Variants in AXIN2 observed in about 807,000 individuals in gnomAD.
The protein encoded by AXIN2 is axin 2.
In AXIN2, 21 loss-of-function variants were observed where a neutral mutation model predicts 74.7. That is an observed-to-expected ratio of 0.28 (90% confidence interval 0.20 to 0.40). AXIN2 has a LOEUF of 0.40. AXIN2 is among the 10% of genes least tolerant of loss of function. AXIN2 has a pLI of 1.00. For synonymous variants in AXIN2, 532 were observed against 454.9 expected, an observed-to-expected ratio of 1.17 and a Z score of -2.16; for missense variants, 1,144 against 1,111.1, an observed-to-expected ratio of 1.03 and a Z score of -0.42.
rs1336548139 is a variant in AXIN2 at position 65,529,682 on chromosome 17, ATATAT to A, written c.*289_*293del. The A allele has an allele frequency of 2.1e-6, 1 of 473,056 alleles. No homozygotes were observed. 29.3% of individuals were successfully genotyped at this position (473,056 alleles called of 1,614,324 possible). ...ATGGATTTCAGATCCCTAGGAAGTC[ATATAT>A]TATGTATGGCAGTCTCTCAAATACA... On this transcript the variant is annotated 3_prime_UTR_variant, in exon 11 of 11. Transcript: ENST00000307078.
chr17:65,555,644 G>T (rs192057880), intron 2 of AXIN2, among the ~76,000 whole-genome samples: 8 of 152,178 alleles, frequency 5.3e-5, no homozygotes, highest in Non-Finnish European at 1.2e-4. Context: ...CTATGACACA[G>T]ACAGAAGGAA....
rs747796659 is a variant in AXIN2, at chr17:65,558,021, C to A, written c.600G>T (p.Val200=). The A allele has an allele frequency of 1.2e-6, 2 of 1,614,190 alleles. No individual in the cohort carries two copies. Among genetic ancestry groups the A allele is most frequent in the Non-Finnish European group, 8.5e-7 (1 of 1,180,040 alleles). Residue 200 remains valine, a synonymous_variant, in exon 2 of 11, where the codon GTG becomes GTT. Transcript: ENST00000307078. ...FLTSDIYLEY[V]RSGGENTAYM... ...AAGCTGTGTTTTCTCCCCCACTCCT[C>A]ACATATTCGAGGTATATATCAGAAG...
intron 2 of AXIN2, among the ~76,000 whole-genome samples, chr17:65,552,266 G>T (rs923334374): frequency 1.3e-5 from 2 of 152,198 alleles, no homozygotes; most frequent in Non-Finnish European, 1.5e-5. Flanking sequence ...AGAACAAGGG[G>T]AAATAGACTT....
chr17:65,534,213 G>C (rs1014224980), intron 9 of AXIN2, 134 bp from the exon 10 acceptor site: 2 of 1,136,938 alleles, frequency 1.8e-6, no homozygotes, highest in South Asian at 1.3e-5. Context: ...AACCCAAAGT[G>C]GGGGCTGGGG....
intron 1 of AXIN2, 167 bp downstream of exon 1, chr17:65,561,283 C>T (rs867030508): frequency 8.2e-5 from 12 of 146,058 alleles, no homozygotes; most frequent in African/African-American, 3.0e-4. Context: ...GCCCCGCCAC[C>T]GCTCCGCAGG....
rs2044272088 is a variant in AXIN2, at chr17:65,556,719, C to A, written c.815+1087G>T. 2.6e-5 allele frequency among the ~76,000 whole-genome samples: 4 copies of A among 152,142 alleles called. No individual in the cohort carries two copies. The South Asian group carries it at 8.3e-4, about 32-fold the overall frequency. ...CATCTGGTGCCCACCTCTCTTCCTG[C>A]TGCTGGGCACTAGAGACCACATCCT... On this transcript the variant is annotated intron_variant, in intron 2 of 10. Transcript: ENST00000307078.
intron 9 of AXIN2, among the ~76,000 whole-genome samples, chr17:65,534,717 T>C (rs1280004975): frequency 6.6e-6 from 1 of 151,530 alleles, no homozygotes; most frequent in African/African-American, 2.4e-5. Flanking sequence ...TCACTTGAGG[T>C]CAGGAGTTTG....
chr17:65,531,893 C>CA (rs1183358907), intron 10 of AXIN2, among the ~76,000 whole-genome samples: 1 of 152,176 alleles, frequency 6.6e-6, no homozygotes, highest in Non-Finnish European at 1.5e-5. Context: ...CCCCACCTCC[C>CA]ACCCCTGCTC....
chr17:65,555,163 A>T (rs2044249282), intron 2 of AXIN2, among the ~76,000 whole-genome samples: 1 of 152,212 alleles, frequency 6.6e-6, no homozygotes, highest in African/African-American at 2.4e-5. Context: ...AGGTAAACAC[A>T]GGGCTTGCAA....
chr17:65,531,424 C>T (rs1030491743), intron 10 of AXIN2, among the ~76,000 whole-genome samples: 9 of 151,700 alleles, frequency 5.9e-5, no homozygotes, highest in African/African-American at 1.5e-4. Context: ...TCAAAATTCT[C>T]GGGGGAGCGT....
Position 65,537,428 on chromosome 17 carries a change from C to T in AXIN2, c.1608G>A (p.Thr536=), listed in dbSNP as rs1403070766. 1 of 1,614,042 alleles carries T rather than the reference C, an allele frequency of 6.2e-7. No homozygotes were observed. Among genetic ancestry groups the T allele is most frequent in the Non-Finnish European group, 8.5e-7 (1 of 1,180,026 alleles). Residue 536 remains threonine, a synonymous_variant, in exon 6 of 11, where the codon ACG becomes ACA. Transcript: ENST00000307078. The part of the protein sequence containing the change: ...KTKEEIEAEA[T]QRVHCFCPGG... ...CAGGGCAGAAGCAGTGCACCCGCTG[C>T]GTGGCCTCCGCCTCGATCTCCTCCT... is the stretch of plus-strand genomic sequence containing the variant.
At chr17:65,532,596 T>C (rs184298743) in intron 10 of AXIN2, among the ~76,000 whole-genome samples, 18 of 152,314 alleles carry the variant, frequency 1.2e-4, no homozygotes, top group Admixed American at 8.5e-4. Flanking sequence ...AGAATCACTT[T>C]GAGCCCCCGC....
chr17:65,549,379 C>T, intron 3 of AXIN2, 141 bp downstream of exon 3: 4 of 1,025,212 alleles, frequency 3.9e-6, no homozygotes, highest in Non-Finnish European at 5.9e-6. Context: ...CCTTGTCATA[C>T]TCCCCTCCCA....
chr17:65,535,223 C>G (rs930543262), intron 9 of AXIN2, among the ~76,000 whole-genome samples: 79 of 152,306 alleles, frequency 5.2e-4, no homozygotes, highest in African/African-American at 1.8e-3. Flanking sequence ...GGAAGATATT[C>G]TGTCTTCTCC....
intron 5 of AXIN2, 155 bp downstream of exon 5, chr17:65,538,048 G>C: frequency 7.0e-7 from 1 of 1,420,528 alleles, no homozygotes; most frequent in Non-Finnish European, 9.6e-7. Flanking sequence ...TGCGCACACA[G>C]CCCACGCCCA....
rs1037156175 is a variant in AXIN2, at chr17:65,529,356, C to A, written c.*620G>T. 15 of 237,300 alleles carry A rather than the reference C, an allele frequency of 6.3e-5. No homozygotes were observed. The highest frequency in any genetic ancestry group is 1.3e-4 in the African/African-American group (6 of 44,812). 14.7% of individuals were successfully genotyped at this position (237,300 alleles called of 1,614,324 possible). A position where few individuals can be genotyped will look rare whatever the true frequency, so the allele number is the denominator to read the frequency against. On this transcript the variant is annotated 3_prime_UTR_variant, in exon 11 of 11. Coordinates refer to ENST00000307078, the MANE Select transcript of AXIN2 (RefSeq NM_004655.4). ...CAGAGCAGCATAGGAAAAAAAAAAA[C>A]AAAACGCACCAATTTCTGCATGTGT...
In AXIN2 at chr17:65,530,069, G is replaced by A. The variant is rs149533605; in HGVS notation, c.2439C>T (p.Ala813=). ...AGATCTCCTCAAACACCGCTCCACA[G>A]GCAAACTCATCGCTTGCTTTTTTGA... ...YYFKKASDEF[A]CGAVFEEIWE... The change falls in exon 11 of 11, where the codon GCC becomes GCT. Residue 813 remains alanine (A), a synonymous_variant. Transcript: ENST00000307078. 2.5e-4 allele frequency: 403 copies of A among 1,614,124 alleles called. 2 individuals carry two copies. The African/African-American group carries it at 4.9e-3, about 20-fold the overall frequency.
At chr17:65,539,966 A>G (rs1806482389) in intron 4 of AXIN2, among the ~76,000 whole-genome samples, 1 of 152,222 alleles carries the variant, frequency 6.6e-6, no homozygotes, top group South Asian at 2.1e-4. Context: ...GTCCCAGAAG[A>G]GCCCTTCATC....
intron 2 of AXIN2, among the ~76,000 whole-genome samples, chr17:65,554,903 C>T (rs550228180): frequency 2.6e-4 from 40 of 152,292 alleles, no homozygotes; most frequent in Admixed American, 5.2e-4. Flanking sequence ...TCGCACACAC[C>T]TCGACACTGT....
Sources: gnomAD v4.1 joint callset for allele counts (sites outside exome capture counted in the v4.1 genomes callset) on GRCh38, gnomAD v4.1.1 for gene constraint, MANE v1.5 for transcripts, NCBI Gene and HGNC (gene_info 2026-07-23, HGNC 2026-07-21) for gene names.